The following PKD2L1 variants were observed in gnomAD, a reference collection of about 807,000 sequenced individuals.
PKD2L1 encodes the protein polycystin 2 like 1, transient receptor potential cation channel, also known as polycystin-2-like protein 1.
PKD2L1 carries 77 observed loss-of-function variants against 93.0 expected under a neutral mutation model. That is an observed-to-expected ratio of 0.83 (90% CI 0.69 to 1.00). The LOEUF is 1.00. Among genes scored for constraint, PKD2L1 ranks in the 50% least tolerant of loss-of-function variants. The probability of loss-of-function intolerance (pLI) is 0.00; values close to 1 mark genes in which losing one functional copy is unlikely to be tolerated. For synonymous variants in PKD2L1, 390 were observed against 388.0 expected, an observed-to-expected ratio of 1.01 and a Z score of -0.06; for missense variants, 977 against 990.9, an observed-to-expected ratio of 0.99 and a Z score of 0.19.
intron 2 of PKD2L1, among the ~76,000 whole-genome samples, chr10:100,327,420 C>A (rs1196208816): frequency 1.3e-5 from 2 of 152,210 alleles, no homozygotes; most frequent in Non-Finnish European, 2.9e-5. Flanking sequence ...GCACTGAGAT[C>A]TTAGAAAGCA....
chr10:100,291,326 A>AT lies in PKD2L1; in HGVS notation c.1981dup (p.Met661AsnfsTer15). 2 of 1,613,650 alleles carry AT rather than the reference A, an allele frequency of 1.2e-6. No homozygotes were observed. Among genetic ancestry groups the AT allele is most frequent in the Non-Finnish European group, 1.7e-6 (2 of 1,179,818 alleles). ...CCTCTCTTCCTCCAGGTCCTGTCGC[A>AT]TTTTTTCCTGTTCCTTCTCATCCAG... On this transcript the variant is annotated frameshift_variant, in exon 12 of 16. Coordinates refer to ENST00000318222, the MANE Select transcript of PKD2L1 (RefSeq NM_016112.3). LOFTEE classifies it high-confidence loss of function.
chr10:100,300,765 C>T (rs560230799), intron 2 of PKD2L1, among the ~76,000 whole-genome samples: 1 of 152,062 alleles, frequency 6.6e-6, no homozygotes, highest in Non-Finnish European at 1.5e-5. Flanking sequence ...TACTGTTTTT[C>T]TTTTTGTAAT....
At chr10:100,310,296 G>A (rs888348752) in intron 2 of PKD2L1, among the ~76,000 whole-genome samples, 9 of 152,064 alleles carry the variant, frequency 5.9e-5, no homozygotes, top group Non-Finnish European at 8.8e-5. Context: ...CTGTGTATGC[G>A]CCACCACACT....
At chr10:100,292,558 T>A (rs1848427707) in intron 11 of PKD2L1, among the ~76,000 whole-genome samples, 1 of 152,146 alleles carries the variant, frequency 6.6e-6, no homozygotes, top group Non-Finnish European at 1.5e-5. Flanking sequence ...GCTCACAATG[T>A]ATTTGTTCAA....
chr10:100,296,461 G>A (rs2305384), intron 6 of PKD2L1, among the ~76,000 whole-genome samples, 169 bp from the exon 7 acceptor site: 52,746 of 152,026 alleles, frequency 0.35, 10,004 homozygotes, highest in East Asian at 0.52. Context: ...TAGGATGACT[G>A]GGGAGCATCT....
Position 100,292,011 on chromosome 10 carries a change from T to C in PKD2L1, c.1881-584A>G, listed in dbSNP as rs145263148. Among the ~76,000 whole-genome samples, 90 of 152,030 alleles carry C rather than the reference T, an allele frequency of 5.9e-4. No homozygotes were observed. In the Middle Eastern group the frequency reaches 0.01, roughly 17 times the overall value. Reference sequence around the variant, plus strand: ...CTTTTGTATGTGCTTTCATCTCTTCTTGGAAGAGCCTTCCTCTGCTTGTCC... The same window carrying C: ...CTTTTGTATGTGCTTTCATCTCTTCCTGGAAGAGCCTTCCTCTGCTTGTCC... On this transcript the variant is annotated intron_variant, in intron 11 of 15. Transcript: ENST00000318222.
chr10:100,310,465 T>A lies in PKD2L1; in HGVS notation c.350-10747A>T, dbSNP rs1033607367. Among the ~76,000 whole-genome samples the A allele has an allele frequency of 2.0e-5, 3 of 152,222 alleles. No individual in the cohort carries two copies. The East Asian group carries it at 5.8e-4, about 29-fold the overall frequency. On this transcript the variant is annotated intron_variant, in intron 2 of 15. Transcript: ENST00000318222. Reference sequence around the variant, plus strand: ...GCTTGCTGAGCAAGTCAACTGATGATGATATTCTAAAAACATGCCTATCAT... The same window carrying A: ...GCTTGCTGAGCAAGTCAACTGATGAAGATATTCTAAAAACATGCCTATCAT...
intron 2 of PKD2L1, among the ~76,000 whole-genome samples, chr10:100,321,317 A>T (rs1849221709): frequency 6.6e-6 from 1 of 151,942 alleles, no homozygotes; most frequent in Non-Finnish European, 1.5e-5. Context: ...AAAATTAACC[A>T]GGCGTGGTGG....
intron 2 of PKD2L1, among the ~76,000 whole-genome samples, chr10:100,321,174 C>T (rs1849217811): frequency 6.6e-6 from 1 of 151,820 alleles, no homozygotes. Context: ...TATAGCAACA[C>T]CCGACACAGG....
At chr10:100,325,461 A>C (rs1235548316) in intron 2 of PKD2L1, among the ~76,000 whole-genome samples, 1 of 152,192 alleles carries the variant, frequency 6.6e-6, no homozygotes, top group Non-Finnish European at 1.5e-5. Flanking sequence ...AGGGGCTAGG[A>C]AACTAGTATT....
chr10:100,318,845 CTCTA>C (rs781350408), intron 2 of PKD2L1, among the ~76,000 whole-genome samples: 38 of 128,212 alleles, frequency 3.0e-4, no homozygotes, highest in Admixed American at 6.5e-4. Context: ...TTTTCTCTCT[CTCTA>C]TCTTTTTTTT....
rs1849256393 is a variant in PKD2L1, at chr10:100,321,804, GAGGGAGGAAGGA to G, written c.349+7395_349+7406del. On this transcript the variant is annotated intron_variant, in intron 2 of 15. Transcript: ENST00000318222. ...GGAGGGAGGGAGGGAGGGAGGGAGG[GAGGGAGGAAGGA>G]AGGAAAGAAAGAAAGAAGGAAAGCA... Among the ~76,000 whole-genome samples, 12 of 9,028 alleles carry G rather than the reference GAGGGAGGAAGGA, an allele frequency of 1.3e-3. 3 individuals are homozygous for G. The highest frequency in any genetic ancestry group is 8.3e-3 in the South Asian group (1 of 120). The allele number at this position is 9,028 out of a possible 152,430, so 5.9% of individuals were successfully genotyped here.
chr10:100,301,053 C>T (rs745988864), intron 2 of PKD2L1, among the ~76,000 whole-genome samples: 30 of 152,074 alleles, frequency 2.0e-4, no homozygotes, highest in African/African-American at 5.1e-4. Flanking sequence ...CCGGCGGAGA[C>T]GTCACATGTC....
intron 9 of PKD2L1, among the ~76,000 whole-genome samples, chr10:100,294,164 T>C (rs1233161791): frequency 3.9e-5 from 6 of 151,960 alleles, no homozygotes; most frequent in Non-Finnish European, 5.9e-5. Context: ...GAGAGAGAAC[T>C]ACCAAGTAGT....
chr10:100,319,575 T>C (rs1849183129), intron 2 of PKD2L1, among the ~76,000 whole-genome samples: 2 of 152,236 alleles, frequency 1.3e-5, no homozygotes, highest in African/African-American at 2.4e-5. Context: ...TCAAGCTTTC[T>C]TGACAAGCTC....
At chr10:100,301,172 T>A (rs774256237) in intron 2 of PKD2L1, among the ~76,000 whole-genome samples, 1 of 152,170 alleles carries the variant, frequency 6.6e-6, no homozygotes, top group African/African-American at 2.4e-5. Flanking sequence ...GATCACATGC[T>A]TCAAGGGTGA....
In PKD2L1 at chr10:100,293,034, C is replaced by G. The variant is rs778433708; in HGVS notation, c.1794G>C (p.Arg598Ser). 1 of 1,614,194 alleles carries G rather than the reference C, an allele frequency of 6.2e-7. No individual in the cohort carries two copies. Among genetic ancestry groups the G allele is most frequent in the South Asian group, 1.1e-5 (1 of 91,088 alleles). The change falls in exon 11 of 16, where the codon AGG (arginine) becomes AGC (serine). Residue 598 changes from arginine (R) to serine (S), a missense_variant. By Grantham distance (110) the Arg-to-Ser change is moderately radical (BLOSUM62 -1). Transcript: ENST00000318222. ...YNKTLLRLRL[R>S]KERVSDVQKV... is the part of the protein sequence containing the mutation. The stretch of plus-strand genomic sequence containing the variant: ...TCTGCACATCCGAAACCCTCTCCTT[C>G]CTCAGACGCAGTCTTAGTAGGGTCT...
intron 7 of PKD2L1, 36 bp from the exon 8 acceptor site, chr10:100,295,159 G>A (rs1330712512): frequency 1.3e-6 from 2 of 1,574,860 alleles, no homozygotes; most frequent in African/African-American, 1.4e-5. Flanking sequence ...GATGAAGAAG[G>A]AAAAGGGAAA....
intron 2 of PKD2L1, among the ~76,000 whole-genome samples, chr10:100,321,763 G>GAAA: frequency 1.1e-3 from 1 of 940 alleles, no homozygotes. Context: ...AAGAAGGGAG[G>GAAA]GAGGGAGGGA....
Sources: gnomAD v4.1 joint callset for allele counts (sites outside exome capture counted in the v4.1 genomes callset) on GRCh38, gnomAD v4.1.1 for gene constraint, MANE v1.5 for transcripts, NCBI Gene and HGNC (gene_info 2026-07-23, HGNC 2026-07-21) for gene names.